Variants in STOX2 observed in about 807,000 individuals in gnomAD.
The protein encoded by STOX2 is storkhead box 2.
STOX2 carries 28 observed loss-of-function variants against 60.9 expected under a neutral mutation model. The observed-to-expected ratio is 0.46, with a 90% confidence interval of 0.34 to 0.63. The LOEUF (loss-of-function observed/expected upper bound fraction) is 0.63, where lower values mean the gene tolerates loss of function less well. Ranked by LOEUF, STOX2 falls within the 30% of genes least tolerant of loss-of-function variation. The pLI is 0.01. For missense variants in STOX2, 1,024 were observed against 1,187.7 expected, an observed-to-expected ratio of 0.86 and a Z score of 2.03; for synonymous variants, 472 against 463.9, an observed-to-expected ratio of 1.02 and a Z score of -0.22.
At chr4:183,894,614 CT>C (rs1367872781) in intron 1 of STOX2, among the ~76,000 whole-genome samples, 5 of 151,514 alleles carry the variant, frequency 3.3e-5, no homozygotes, top group African/African-American at 1.2e-4. Context: ...CTTTGCTTCC[CT>C]TTTTGATATA....
rs560063060 is a variant in STOX2, at chr4:183,811,488, T to G, written c.364+13433T>G. Among the ~76,000 whole-genome samples the G allele has an allele frequency of 3.3e-5, 5 of 152,340 alleles. No individual in the cohort carries two copies. In the South Asian group the frequency reaches 1.0e-3, roughly 32 times the overall value. ...TGTTCCTTTGGGTGACAAGTTTTGG[T>G]TTTTGTCACATGCTTCTCCTGTTTT... On this transcript the variant is annotated intron_variant, in intron 1 of 2. Transcript: ENST00000513034.
Position 183,849,751 on chromosome 4 carries a change from G to C in STOX2, c.364+51696G>C, listed in dbSNP as rs73870923. On this transcript the variant is annotated intron_variant, in intron 1 of 2. Transcript: ENST00000513034. ...TCAGGATGGAGTGAGATTGCGAAGG[G>C]AGAGGGCGTTGGGAGTTCGGCACAT... Among the ~76,000 whole-genome samples, 1,176 of 152,214 alleles carry C rather than the reference G, an allele frequency of 7.7e-3. 17 individuals carry two copies. Among genetic ancestry groups the C allele is most frequent in the African/African-American group, 0.026 (1,069 of 41,560 alleles).
At chr4:183,819,597 TGGGAGG>T (rs1211083270) in intron 1 of STOX2, among the ~76,000 whole-genome samples, 3 of 11,346 alleles carry the variant, frequency 2.6e-4, no homozygotes, top group Admixed American at 1.1e-3. Flanking sequence ...AGAGGGAGAG[TGGGAGG>T]GGGAGGGGGA....
At chr4:183,805,774 C>T (rs578063518) in intron 1 of STOX2, among the ~76,000 whole-genome samples, 1 of 152,324 alleles carries the variant, frequency 6.6e-6, no homozygotes, top group South Asian at 2.1e-4. Context: ...GATTGTGCCA[C>T]TGCAGTCTAG....
At chr4:183,930,518 T>C (rs1742390861) in intron 1 of STOX2, among the ~76,000 whole-genome samples, 1 of 149,426 alleles carries the variant, frequency 6.7e-6, no homozygotes, top group Non-Finnish European at 1.5e-5. Context: ...TTTTGTTTTT[T>C]GTTTTTTTTT....
At chr4:183,840,701 A>C (rs970328020) in intron 1 of STOX2, among the ~76,000 whole-genome samples, 7 of 152,226 alleles carry the variant, frequency 4.6e-5, no homozygotes, top group Non-Finnish European at 7.3e-5. Flanking sequence ...TCATACTCTG[A>C]AGCTTAGCTC....
chr4:183,995,137 C>T (rs1334802098), intron 1 of STOX2, among the ~76,000 whole-genome samples: 2 of 151,960 alleles, frequency 1.3e-5, no homozygotes, highest in African/African-American at 4.8e-5. Flanking sequence ...CGGATGTCAC[C>T]CAGGAAGGAG....
chr4:183,858,365 A>G (rs1426358422), intron 1 of STOX2, among the ~76,000 whole-genome samples: 2 of 152,078 alleles, frequency 1.3e-5, no homozygotes, highest in Admixed American at 6.5e-5. Flanking sequence ...TTCCCTTCAG[A>G]TCCTTACCCA....
intron 1 of STOX2, among the ~76,000 whole-genome samples, chr4:183,935,901 T>G (rs1302858559): frequency 6.6e-6 from 1 of 152,212 alleles, no homozygotes; most frequent in African/African-American, 2.4e-5. Flanking sequence ...TTCCTAAGTT[T>G]TAAGGTGGAA....
intron 1 of STOX2, among the ~76,000 whole-genome samples, chr4:183,851,045 A>G (rs376506542): frequency 8.9e-4 from 90 of 101,008 alleles, no homozygotes; most frequent in Admixed American, 2.8e-3. Flanking sequence ...AAAGGATGAG[A>G]GAAACGATGA....
At chr4:183,987,577 T>A (rs917814765) in intron 1 of STOX2, 1 of 152,168 alleles carries the variant, frequency 6.6e-6, no homozygotes, top group East Asian at 1.9e-4. Context: ...ATTGGAGTTG[T>A]GTTGTAAGCG....
chr4:183,945,304 G>GA (rs1742856814), intron 1 of STOX2, among the ~76,000 whole-genome samples: 1 of 152,152 alleles, frequency 6.6e-6, no homozygotes, highest in Non-Finnish European at 1.5e-5. Flanking sequence ...AGAGACACAG[G>GA]AAAAATCTGA....
intron 1 of STOX2, among the ~76,000 whole-genome samples, chr4:183,928,221 G>C (rs545255744): frequency 1.5e-3 from 23 of 15,268 alleles, no homozygotes; most frequent in Admixed American, 3.2e-3. Context: ...GAGCCCTCGG[G>C]GGGGGGCATT....
At chr4:183,909,891 T>G (rs1741730754) in intron 1 of STOX2, among the ~76,000 whole-genome samples, 1 of 152,248 alleles carries the variant, frequency 6.6e-6, no homozygotes, top group Non-Finnish European at 1.5e-5. Context: ...TAAACTACAC[T>G]TAAGCTCAAG....
chr4:183,938,093 G>A (rs112076108), intron 1 of STOX2, among the ~76,000 whole-genome samples: 1 of 152,158 alleles, frequency 6.6e-6, no homozygotes, highest in African/African-American at 2.4e-5. Flanking sequence ...AGGCTGCAGT[G>A]AGCTGTGATT....
chr4:183,938,786 C>T (rs555774749), intron 1 of STOX2, among the ~76,000 whole-genome samples: 8 of 151,724 alleles, frequency 5.3e-5, no homozygotes, highest in African/African-American at 7.3e-5. Context: ...TTGGAGATAA[C>T]GTTGTGCCTA....
intron 1 of STOX2, among the ~76,000 whole-genome samples, chr4:183,908,778 A>G (rs1161107069): frequency 6.6e-6 from 1 of 152,098 alleles, no homozygotes; most frequent in African/African-American, 2.4e-5. Flanking sequence ...AGATGGTCCT[A>G]TGGTGATAAT....
chr4:183,901,900 G>T (rs1368915432), upstream of STOX2, among the ~76,000 whole-genome samples: 1 of 151,980 alleles, frequency 6.6e-6, no homozygotes, highest in Non-Finnish European at 1.5e-5. Flanking sequence ...TTTCTCTGTT[G>T]ACAGTGTCTT....
At chr4:183,880,117 T>C (rs1204567093) in intron 1 of STOX2, among the ~76,000 whole-genome samples, 1 of 152,148 alleles carries the variant, frequency 6.6e-6, no homozygotes, top group Non-Finnish European at 1.5e-5. Flanking sequence ...TAGCTGGGAC[T>C]ACAGGCATGC....
Sources: gnomAD v4.1 joint callset for allele counts (sites outside exome capture counted in the v4.1 genomes callset) on GRCh38, gnomAD v4.1.1 for gene constraint, MANE v1.5 for transcripts, NCBI Gene and HGNC (gene_info 2026-07-23, HGNC 2026-07-21) for gene names.